TMEM132B: variants seen among roughly 807,000 people sequenced by gnomAD.
TMEM132B encodes the protein transmembrane protein 132B.
A neutral mutation model predicts 90.8 loss-of-function variants in TMEM132B; 18 were observed. The observed-to-expected ratio is 0.20, with a 90% CI of 0.14 to 0.29. The LOEUF (loss-of-function observed/expected upper bound fraction) is 0.29, where lower values mean the gene tolerates loss of function less well. TMEM132B is among the 10% of genes least tolerant of loss of function. TMEM132B has a pLI of 1.00. For synonymous variants in TMEM132B, 504 were observed against 523.3 expected, an observed-to-expected ratio of 0.96 and a Z score of 0.50; for missense variants, 1,096 against 1,326.8, an observed-to-expected ratio of 0.83 and a Z score of 2.70.
intron 2 of TMEM132B, among the ~76,000 whole-genome samples, chr12:125,413,066 C>T (rs770581304): frequency 1.3e-5 from 2 of 152,018 alleles, no homozygotes; most frequent in African/African-American, 2.4e-5. Flanking sequence ...GAAAGGGAGG[C>T]AGAAACATTT....
At chr12:125,375,126 A>G (rs570399019) in intron 2 of TMEM132B, among the ~76,000 whole-genome samples, 4 of 152,326 alleles carry the variant, frequency 2.6e-5, no homozygotes, top group South Asian at 2.1e-4. Context: ...ACAATGTACT[A>G]TAATATTTGA....
At chr12:125,264,151 C>T (rs1487012354) in intron 1 of TMEM132B, among the ~76,000 whole-genome samples, 1 of 152,180 alleles carries the variant, frequency 6.6e-6, no homozygotes, top group East Asian at 1.9e-4. Context: ...GTGGCCCCTT[C>T]CTCCGTCTTG....
At chr12:125,356,796 C>T (rs1877787505) in intron 2 of TMEM132B, among the ~76,000 whole-genome samples, 1 of 152,232 alleles carries the variant, frequency 6.6e-6, no homozygotes, top group African/African-American at 2.4e-5. Flanking sequence ...CCCTTTTTGG[C>T]CTTTAGGCAT....
At chr12:125,530,690 C>A (rs182189516) in intron 4 of TMEM132B, among the ~76,000 whole-genome samples, 125 of 152,340 alleles carry the variant, frequency 8.2e-4, no homozygotes, top group Non-Finnish European at 1.5e-3. Context: ...CGTTCCTTAG[C>A]CTGTGGCCAC....
rs1394617807 is a variant in TMEM132B at position 125,409,744 on chromosome 12, TG to T, written c.960-5785del. Among the ~76,000 whole-genome samples, 80 of 13,928 alleles carry T rather than the reference TG, an allele frequency of 5.7e-3. 10 individuals are homozygous for T. The highest frequency in any genetic ancestry group is 0.026 in the African/African-American group (58 of 2,238). The allele number at this position is 13,928 out of a possible 152,430, so 9.1% of individuals were successfully genotyped here. A position where few individuals can be genotyped will look rare whatever the true frequency, so the allele number is the denominator to read the frequency against. ...GTGGAGTGAGTGGAGTGGAGTGGAGTGGAGTGAGTGGAGTGGAGTGAGTGAG... is the reference window on the plus strand; with the variant it reads ...GTGGAGTGAGTGGAGTGGAGTGGAGTGAGTGAGTGGAGTGGAGTGAGTGAG... On this transcript the variant is annotated intron_variant, in intron 2 of 8. Transcript: ENST00000682704.
chr12:125,336,822 G>C (rs1013300088), intron 1 of TMEM132B, among the ~76,000 whole-genome samples: 2 of 152,162 alleles, frequency 1.3e-5, no homozygotes, highest in Non-Finnish European at 2.9e-5. Context: ...CCAGGTGTCT[G>C]TCTGCCTTTT....
chr12:125,501,419 G>A (rs1222062400), intron 3 of TMEM132B, among the ~76,000 whole-genome samples: 2 of 152,026 alleles, frequency 1.3e-5, no homozygotes, highest in Non-Finnish European at 2.9e-5. Context: ...GAATGTGTGG[G>A]TTTGTTACAT....
chr12:125,637,664 C>T (rs1050086385), intron 5 of TMEM132B, among the ~76,000 whole-genome samples: 9 of 152,082 alleles, frequency 5.9e-5, no homozygotes. Flanking sequence ...TGGCTGAAAG[C>T]AACCAGGGAA....
chr12:125,346,446 G>C (rs1025860288), intron 1 of TMEM132B, among the ~76,000 whole-genome samples: 1 of 152,224 alleles, frequency 6.6e-6, no homozygotes, highest in Admixed American at 6.5e-5. Context: ...TAGCCCAGCT[G>C]AAAGATATTG....
At chr12:125,489,876 T>G (rs1438889624) in intron 3 of TMEM132B, among the ~76,000 whole-genome samples, 3 of 152,236 alleles carry the variant, frequency 2.0e-5, no homozygotes, top group Admixed American at 2.0e-4. Flanking sequence ...TAATTCTCAG[T>G]TGGTTCTGGA....
In TMEM132B at chr12:125,655,564, T is replaced by C. The variant is rs1194605325; in HGVS notation, c.*854T>C. ...CAAACATTTGGAAAAAAGTTGTCAATCACAAACATTTATTTTTATTCTCTG... is the reference window on the plus strand; with the variant it reads ...CAAACATTTGGAAAAAAGTTGTCAACCACAAACATTTATTTTTATTCTCTG... On this transcript the variant is annotated 3_prime_UTR_variant, in exon 9 of 9. Transcript: ENST00000682704. The C allele has an allele frequency of 6.6e-6, 1 of 152,216 alleles. No individual in the cohort carries two copies. Among genetic ancestry groups the C allele is most frequent in the Non-Finnish European group, 1.5e-5 (1 of 68,044 alleles). The allele number at this position is 152,216 out of a possible 1,614,324, so 9.4% of individuals were successfully genotyped here. A position where few individuals can be genotyped will look rare whatever the true frequency, so the allele number is the denominator to read the frequency against.
chr12:125,215,573 G>A (rs1873415261), intron 1 of TMEM132B, among the ~76,000 whole-genome samples: 1 of 151,774 alleles, frequency 6.6e-6, no homozygotes, highest in Non-Finnish European at 1.5e-5. Context: ...ATGGAGTCTC[G>A]CTCTGTTGCC....
intron 1 of TMEM132B, among the ~76,000 whole-genome samples, chr12:125,194,303 C>T (rs1041840794): frequency 6.6e-6 from 1 of 152,148 alleles, no homozygotes; most frequent in Non-Finnish European, 1.5e-5. Flanking sequence ...GCCACGCCTC[C>T]GAGTCCGGGA....
intron 5 of TMEM132B, among the ~76,000 whole-genome samples, chr12:125,624,820 C>T (rs1329402032): frequency 6.6e-6 from 1 of 152,154 alleles, no homozygotes; most frequent in African/African-American, 2.4e-5. Context: ...TTCTCCCCCA[C>T]CCACTTTAGT....
At chr12:125,455,741 G>C (rs12422220) in intron 3 of TMEM132B, among the ~76,000 whole-genome samples, 65,952 of 151,558 alleles carry the variant, frequency 0.44, 15,306 homozygotes, top group African/African-American at 0.58. Context: ...TTTGATCACG[G>C]CTCCAGCCCC....
chr12:125,510,989 C>T (rs1463346145), intron 3 of TMEM132B, among the ~76,000 whole-genome samples: 4 of 152,142 alleles, frequency 2.6e-5, no homozygotes, highest in African/African-American at 9.7e-5. Context: ...GTCATGGAAT[C>T]ATTGCATTAT....
chr12:125,250,815 C>A (rs1214923390), intron 1 of TMEM132B, among the ~76,000 whole-genome samples: 1 of 152,226 alleles, frequency 6.6e-6, no homozygotes, highest in Non-Finnish European at 1.5e-5. Flanking sequence ...CACTCAGGAG[C>A]CTGCAGGCCC....
At chr12:125,634,278 C>A (rs1886430718) in intron 5 of TMEM132B, among the ~76,000 whole-genome samples, 1 of 152,172 alleles carries the variant, frequency 6.6e-6, no homozygotes, top group Admixed American at 6.5e-5. Flanking sequence ...TCTCTTCAGT[C>A]AGCTTGTAGT....
chr12:125,429,289 T>A (rs1478507669), intron 3 of TMEM132B, among the ~76,000 whole-genome samples: 3 of 151,922 alleles, frequency 2.0e-5, no homozygotes, highest in Non-Finnish European at 2.9e-5. Context: ...AACCTCTGCC[T>A]CCTAGGCTCA....
Sources: allele counts gnomAD v4.1 joint callset (sites outside exome capture counted in the v4.1 genomes callset), GRCh38; gene constraint gnomAD v4.1.1; transcripts MANE v1.5; gene names NCBI Gene and HGNC (gene_info 2026-07-23, HGNC 2026-07-21).